The following CTNNBL1 variants were observed in gnomAD, a reference collection of about 807,000 sequenced individuals.
The protein encoded by CTNNBL1 is beta-catenin-like protein 1.
CTNNBL1 carries 31 observed loss-of-function variants against 72.7 expected under a neutral mutation model. That is an observed-to-expected ratio of 0.43 (90% CI 0.32 to 0.58). The LOEUF (loss-of-function observed/expected upper bound fraction) is 0.58. CTNNBL1 is among the 20% of genes least tolerant of loss of function. The probability of loss-of-function intolerance (pLI) is 0.08; values close to 1 mark genes in which losing one functional copy is unlikely to be tolerated. For synonymous variants in CTNNBL1, 240 were observed against 267.3 expected (o/e 0.90, Z 1.00); for missense variants, 534 against 725.1 (o/e 0.74, Z 3.03).
chr20:37,870,278 T>C (rs534419290), intron 15 of CTNNBL1, among the ~76,000 whole-genome samples: 47 of 152,146 alleles, frequency 3.1e-4, no homozygotes, highest in Middle Eastern at 3.4e-3. Flanking sequence ...ACTGGAGACA[T>C]AGGAGGGGTC....
chr20:37,847,550 T>G (rs923502034), intron 13 of CTNNBL1, among the ~76,000 whole-genome samples: 4 of 152,178 alleles, frequency 2.6e-5, no homozygotes, highest in African/African-American at 9.7e-5. Flanking sequence ...CAGAAAATAC[T>G]AAGATGCCTG....
intron 13 of CTNNBL1, among the ~76,000 whole-genome samples, chr20:37,849,983 G>A (rs560197430): frequency 4.6e-4 from 70 of 152,218 alleles, no homozygotes; most frequent in Non-Finnish European, 8.8e-4. Flanking sequence ...CTAAGTGGTA[G>A]CTATTATTAC....
At chr20:37,807,956 T>A (rs1226798219) in intron 11 of CTNNBL1, among the ~76,000 whole-genome samples, 1 of 152,232 alleles carries the variant, frequency 6.6e-6, no homozygotes, top group Non-Finnish European at 1.5e-5. Context: ...CTTTTAAAAA[T>A]TCTCATTAAT....
intron 10 of CTNNBL1, among the ~76,000 whole-genome samples, chr20:37,782,059 GA>G (rs747651063): frequency 1.4e-4 from 22 of 152,112 alleles, no homozygotes; most frequent in Non-Finnish European, 2.5e-4. Flanking sequence ...TATTTTGGCA[GA>G]ATTAAACTAT....
At chr20:37,708,075 AC>A (rs2072904636) in intron 1 of CTNNBL1, among the ~76,000 whole-genome samples, 1 of 152,338 alleles carries the variant, frequency 6.6e-6, no homozygotes, top group African/African-American at 2.4e-5. Context: ...ATCACGGATT[AC>A]CATAGCAGAT....
At chr20:37,829,216 G>A (rs376536762) in intron 11 of CTNNBL1, among the ~76,000 whole-genome samples, 7 of 152,210 alleles carry the variant, frequency 4.6e-5, no homozygotes, top group Admixed American at 1.3e-4. Context: ...TAAAACAAAA[G>A]AGCTAATGGC....
intron 5 of CTNNBL1, among the ~76,000 whole-genome samples, chr20:37,758,506 T>C (rs999389982): frequency 6.6e-6 from 1 of 152,244 alleles, no homozygotes; most frequent in African/African-American, 2.4e-5. Context: ...GACTGCATGT[T>C]CTGATCCCCA....
chr20:37,860,488 A>T (rs1343056951), intron 15 of CTNNBL1, 144 bp downstream of exon 15: 1 of 690,152 alleles, frequency 1.4e-6, no homozygotes, highest in African/African-American at 1.8e-5. Flanking sequence ...CTGTGTGTCC[A>T]GGTCGTCTTT....
chr20:37,819,774 C>T (rs1335982488), intron 11 of CTNNBL1, among the ~76,000 whole-genome samples: 2 of 151,846 alleles, frequency 1.3e-5, no homozygotes, highest in Non-Finnish European at 2.9e-5. Flanking sequence ...CTAAAATCTT[C>T]AGAAATGGAG....
chr20:37,701,056 C>G (rs2072837386), intron 1 of CTNNBL1, among the ~76,000 whole-genome samples: 1 of 152,018 alleles, frequency 6.6e-6, no homozygotes, highest in African/African-American at 2.4e-5. Flanking sequence ...AACTATTATC[C>G]TAATTCAATC....
chr20:37,848,209 G>T (rs904397665), intron 13 of CTNNBL1, among the ~76,000 whole-genome samples: 3 of 148,090 alleles, frequency 2.0e-5, no homozygotes, highest in African/African-American at 7.5e-5. Context: ...GAGTGCAGTG[G>T]CATGGCGTGA....
intron 1 of CTNNBL1, 118 bp downstream of exon 1, chr20:37,694,270 G>T (rs1465523396): frequency 5.8e-6 from 5 of 862,280 alleles, no homozygotes; most frequent in Non-Finnish European, 8.5e-6. Flanking sequence ...AACTTCTCAT[G>T]CCACCCGGGG....
intron 11 of CTNNBL1, among the ~76,000 whole-genome samples, chr20:37,833,667 C>T (rs574933340): frequency 1.4e-4 from 22 of 152,282 alleles, no homozygotes; most frequent in Admixed American, 6.5e-4. Context: ...CCACATCCAC[C>T]CCATCTGCAT....
At chr20:37,842,169 G>A (rs949256491) in intron 12 of CTNNBL1, 170 bp from the exon 13 acceptor site, 1 of 602,510 alleles carries the variant, frequency 1.7e-6, no homozygotes, top group African/African-American at 1.9e-5. Flanking sequence ...CCAGCCCTTT[G>A]ATCCATTCCT....
chr20:37,833,792 G>A (rs947196033), intron 11 of CTNNBL1, among the ~76,000 whole-genome samples: 4 of 152,174 alleles, frequency 2.6e-5, no homozygotes, highest in Non-Finnish European at 5.9e-5. Context: ...TGTGCCAGCA[G>A]CTCTCCCCGT....
intron 11 of CTNNBL1, among the ~76,000 whole-genome samples, chr20:37,812,735 C>A (rs181999853): frequency 6.6e-6 from 1 of 152,248 alleles, no homozygotes; most frequent in Non-Finnish European, 1.5e-5. Flanking sequence ...GCCAGGGAGA[C>A]ATAGAAACCT....
intron 9 of CTNNBL1, 68 bp downstream of exon 9, chr20:37,777,780 G>A: frequency 2.0e-6 from 3 of 1,486,564 alleles, no homozygotes; most frequent in South Asian, 1.1e-5. Flanking sequence ...AGGTGGAGCT[G>A]GAAACTGTGG....
intron 11 of CTNNBL1, among the ~76,000 whole-genome samples, chr20:37,812,926 A>G (rs1199704200): frequency 6.6e-6 from 1 of 152,050 alleles, no homozygotes; most frequent in African/African-American, 2.4e-5. Context: ...GTGATTAGAA[A>G]CAGCCCCCCC....
chr20:37,704,867 T>C (rs2072872394), intron 1 of CTNNBL1, among the ~76,000 whole-genome samples: 1 of 152,256 alleles, frequency 6.6e-6, no homozygotes, highest in Non-Finnish European at 1.5e-5. Context: ...TTCAGCTTCC[T>C]TGGAGACAGG....
Sources: gnomAD v4.1 joint callset for allele counts (sites outside exome capture counted in the v4.1 genomes callset) on GRCh38, gnomAD v4.1.1 for gene constraint, MANE v1.5 for transcripts, NCBI Gene and HGNC (gene_info 2026-07-23, HGNC 2026-07-21) for gene names.